PDE4B: variants seen among roughly 807,000 people sequenced by gnomAD.
PDE4B encodes the protein phosphodiesterase 4B.
Under a neutral mutation model 82.2 loss-of-function variants are expected in PDE4B, and 20 were observed. The observed-to-expected ratio is 0.24, with a 90% CI of 0.17 to 0.35. The LOEUF is 0.35. Among genes scored for constraint, PDE4B ranks in the 10% least tolerant of loss-of-function variants. PDE4B has a pLI of 1.00. For synonymous variants in PDE4B, 320 were observed against 318.9 expected (o/e 1.00, Z -0.04); for missense variants, 655 against 907.2 (o/e 0.72, Z 3.57).
At chr1:66,142,235 T>C (rs937788737) in intron 3 of PDE4B, among the ~76,000 whole-genome samples, 10 of 151,862 alleles carry the variant, frequency 6.6e-5, no homozygotes, top group Non-Finnish European at 1.5e-4. Context: ...CAGAAGAAAA[T>C]TTGGGATAAG....
intron 7 of PDE4B, among the ~76,000 whole-genome samples, chr1:66,311,594 C>A (rs1195444853): frequency 6.6e-6 from 1 of 152,236 alleles, no homozygotes; most frequent in African/African-American, 2.4e-5. Flanking sequence ...TGGCTGGGAG[C>A]CTTTGACCTC....
At chr1:65,824,396 A>G (rs985512958) in intron 1 of PDE4B, among the ~76,000 whole-genome samples, 3 of 152,110 alleles carry the variant, frequency 2.0e-5, no homozygotes, top group African/African-American at 7.2e-5. Context: ...TTTTAGTGTG[A>G]GTATGCTTAA....
At chr1:66,268,352 T>A (rs2101737950) in intron 7 of PDE4B, among the ~76,000 whole-genome samples, 1 of 152,250 alleles carries the variant, frequency 6.6e-6, no homozygotes, top group East Asian at 1.9e-4. Flanking sequence ...AATGGATACA[T>A]CAAAGGAAAG....
At chr1:66,082,853 G>A (rs1198992895) in intron 3 of PDE4B, among the ~76,000 whole-genome samples, 1 of 151,910 alleles carries the variant, frequency 6.6e-6, no homozygotes, top group Admixed American at 6.6e-5. Flanking sequence ...CTGTGAACAA[G>A]ACAGAAATTG....
At chr1:66,162,434 G>A (rs1646636259) in intron 3 of PDE4B, among the ~76,000 whole-genome samples, 1 of 149,274 alleles carries the variant, frequency 6.7e-6, no homozygotes, top group Admixed American at 6.8e-5. Context: ...TTTGGGACTG[G>A]TGTCCAACAG....
chr1:65,939,330 T>A (rs1376727928), intron 3 of PDE4B, among the ~76,000 whole-genome samples: 2 of 152,084 alleles, frequency 1.3e-5, no homozygotes, highest in African/African-American at 2.4e-5. Flanking sequence ...AGAGGCATCC[T>A]CCTCCTTTCC....
At chr1:65,815,385 G>T (rs1645871330) in intron 1 of PDE4B, among the ~76,000 whole-genome samples, 1 of 152,078 alleles carries the variant, frequency 6.6e-6, no homozygotes, top group Non-Finnish European at 1.5e-5. Flanking sequence ...TTATCAAATG[G>T]TAGTTCAGTT....
At chr1:66,172,575 A>G (rs1056549725) in intron 3 of PDE4B, among the ~76,000 whole-genome samples, 1 of 152,110 alleles carries the variant, frequency 6.6e-6, no homozygotes. Flanking sequence ...CCAACAATAT[A>G]TAAGTGTTCC....
intron 13 of PDE4B, among the ~76,000 whole-genome samples, chr1:66,367,241 C>G (rs1480274450): frequency 6.6e-6 from 1 of 152,138 alleles, no homozygotes; most frequent in Non-Finnish European, 1.5e-5. Context: ...CTTTAACCAT[C>G]CAAAATTCAC....
intron 1 of PDE4B, among the ~76,000 whole-genome samples, chr1:65,905,245 A>C (rs531474546): frequency 6.6e-6 from 1 of 152,194 alleles, no homozygotes; most frequent in Admixed American, 6.6e-5. Context: ...AGGTAGGGGA[A>C]GTCCATAAAG....
intron 3 of PDE4B, among the ~76,000 whole-genome samples, chr1:66,020,048 G>A (rs78279591): frequency 0.021 from 3,214 of 152,254 alleles, 115 homozygotes; most frequent in African/African-American, 0.073. Context: ...AGTTACTATC[G>A]ACAAGCATAT....
chr1:66,039,603 T>A (rs925555009), intron 3 of PDE4B, among the ~76,000 whole-genome samples: 1 of 152,070 alleles, frequency 6.6e-6, no homozygotes, highest in African/African-American at 2.4e-5. Flanking sequence ...CACTGATCTA[T>A]AATCCCATGT....
chr1:65,931,201 A>G lies in PDE4B; in HGVS notation c.281+12366A>G, dbSNP rs188416078. On this transcript the variant is annotated intron_variant, in intron 3 of 16. Transcript: ENST00000341517. ...CCTCTTTTCCTTCCACCATGATTGT[A>G]AGTTTCCTGAGACTTCCCTAGAAGC... Among the ~76,000 whole-genome samples the G allele has an allele frequency of 4.6e-5, 7 of 152,282 alleles. No homozygotes were observed. In the East Asian group the frequency reaches 1.4e-3, roughly 29 times the overall value.
intron 3 of PDE4B, among the ~76,000 whole-genome samples, chr1:66,159,653 T>C (rs2101247419): frequency 1.3e-5 from 2 of 152,330 alleles, no homozygotes; most frequent in East Asian, 3.9e-4. Context: ...GCTTGAGTAA[T>C]CTTGAGGGTT....
At chr1:66,164,817 C>T (rs1194618396) in intron 3 of PDE4B, among the ~76,000 whole-genome samples, 12 of 141,674 alleles carry the variant, frequency 8.5e-5, no homozygotes, top group Non-Finnish European at 9.1e-5. Context: ...AGTGCAGTGG[C>T]GCGCAATCTC....
chr1:66,340,482 C>T (rs1660894299), intron 8 of PDE4B, among the ~76,000 whole-genome samples: 1 of 152,072 alleles, frequency 6.6e-6, no homozygotes, highest in African/African-American at 2.4e-5. Context: ...TAAAATGTAT[C>T]AGTTTTGAAA....
chr1:66,334,217 C>T (rs1660338093), intron 8 of PDE4B, among the ~76,000 whole-genome samples: 1 of 152,132 alleles, frequency 6.6e-6, no homozygotes, highest in African/African-American at 2.4e-5. Flanking sequence ...CTTCAATAGT[C>T]ACCAAAATAT....
chr1:66,267,067 G>A (rs1655105241), intron 7 of PDE4B: 1 of 155,308 alleles, frequency 6.4e-6, no homozygotes, highest in Admixed American at 6.3e-5. Flanking sequence ...TAAAAGAAGG[G>A]AACAAAAGCA....
chr1:66,144,687 A>T (rs1288686178), intron 3 of PDE4B, among the ~76,000 whole-genome samples: 1 of 152,234 alleles, frequency 6.6e-6, no homozygotes, highest in Non-Finnish European at 1.5e-5. Flanking sequence ...TCTGAGCTCC[A>T]AAAGACTTCT....
Sources: allele counts gnomAD v4.1 joint callset (sites outside exome capture counted in the v4.1 genomes callset), GRCh38; gene constraint gnomAD v4.1.1; transcripts MANE v1.5; gene names NCBI Gene and HGNC (gene_info 2026-07-23, HGNC 2026-07-21).